Variants in RAB11FIP4 observed in about 807,000 individuals in gnomAD.
RAB11FIP4 encodes the protein rab11 family-interacting protein 4.
RAB11FIP4 carries 23 observed loss-of-function variants against 74.3 expected under a neutral mutation model. That is an observed-to-expected ratio of 0.31 (90% CI 0.22 to 0.44). The LOEUF is 0.44. Ranked by LOEUF, RAB11FIP4 falls within the 20% of genes least tolerant of loss-of-function variation. RAB11FIP4 has a pLI of 1.00. For missense variants in RAB11FIP4, 630 were observed against 863.9 expected (o/e 0.73, Z 3.39); for synonymous variants, 360 against 359.9 (o/e 1.00, Z 0.00).
At chr17:31,419,771 C>T (rs1041348543) in intron 1 of RAB11FIP4, among the ~76,000 whole-genome samples, 1 of 152,108 alleles carries the variant, frequency 6.6e-6, no homozygotes, top group Admixed American at 6.5e-5. Context: ...AGGATGGTCT[C>T]GATCTCCTGA....
chr17:31,452,909 G>A (rs994801024), intron 3 of RAB11FIP4, among the ~76,000 whole-genome samples: 2 of 152,226 alleles, frequency 1.3e-5, no homozygotes, highest in Non-Finnish European at 2.9e-5. Context: ...CCTGCTGGAA[G>A]TCAGGCCCAG....
At chr17:31,416,369 T>C (rs2071148208) in intron 1 of RAB11FIP4, among the ~76,000 whole-genome samples, 1 of 152,174 alleles carries the variant, frequency 6.6e-6, no homozygotes, top group Admixed American at 6.5e-5. Context: ...TGGGATGTTT[T>C]GGCCTGGGCT....
At chr17:31,442,180 T>G (rs922638830) in intron 3 of RAB11FIP4, among the ~76,000 whole-genome samples, 59 of 152,056 alleles carry the variant, frequency 3.9e-4, no homozygotes, top group Non-Finnish European at 6.9e-4. Flanking sequence ...TTTGTATTTT[T>G]AGTAGAGACA....
At chr17:31,427,768 C>T (rs2071267682) in intron 1 of RAB11FIP4, among the ~76,000 whole-genome samples, 1 of 152,170 alleles carries the variant, frequency 6.6e-6, no homozygotes, top group African/African-American at 2.4e-5. Context: ...ATAATGCCAG[C>T]GATGCAAAGG....
intron 1 of RAB11FIP4, among the ~76,000 whole-genome samples, chr17:31,413,484 C>T (rs9894686): frequency 0.022 from 3,286 of 150,568 alleles, 122 homozygotes; most frequent in African/African-American, 0.076. Context: ...ATTTAGCCTC[C>T]CCCTGCCCTC....
At chr17:31,471,180 A>G (rs1034408686) in intron 3 of RAB11FIP4, among the ~76,000 whole-genome samples, 1 of 150,734 alleles carries the variant, frequency 6.6e-6, no homozygotes, top group African/African-American at 2.4e-5. Context: ...CTTCCACCCC[A>G]ACCTCCTGTG....
intron 3 of RAB11FIP4, among the ~76,000 whole-genome samples, chr17:31,506,123 T>C (rs902738976): frequency 3.3e-5 from 5 of 152,236 alleles, no homozygotes; most frequent in Non-Finnish European, 5.9e-5. Context: ...TAAATTTCAA[T>C]TGTGTTTCTT....
intron 1 of RAB11FIP4, among the ~76,000 whole-genome samples, chr17:31,402,646 G>C (rs945211420): frequency 8.6e-6 from 1 of 116,156 alleles, no homozygotes; most frequent in African/African-American, 4.1e-5. Context: ...TTTTGAGACA[G>C]AGTCTTGCTT....
chr17:31,492,497 T>G (rs1443670107), intron 3 of RAB11FIP4, among the ~76,000 whole-genome samples: 1 of 152,114 alleles, frequency 6.6e-6, no homozygotes, highest in Non-Finnish European at 1.5e-5. Flanking sequence ...GGCCAGCACA[T>G]GTTATCCTGG....
chr17:31,401,491 G>A (rs988638237), intron 1 of RAB11FIP4, among the ~76,000 whole-genome samples: 5 of 152,208 alleles, frequency 3.3e-5, no homozygotes, highest in East Asian at 1.9e-4. Flanking sequence ...GACCCAAGAC[G>A]GGGAGCAGGC....
At chr17:31,525,395 CAG>C in intron 10 of RAB11FIP4, 165 bp downstream of exon 10, 1 of 673,318 alleles carries the variant, frequency 1.5e-6, no homozygotes. Flanking sequence ...ACGAGAAACA[CAG>C]AGGCATGCTC....
rs2072953841 is a variant in RAB11FIP4, at chr17:31,536,034, A to AG, written c.*4303dup. Reference sequence around the variant, plus strand: ...GTCCACTGGTGCTGGTGTTCAGGGGAGTTGGGGGGGGGGGGCGCGGGGACA... The same window carrying AG: ...GTCCACTGGTGCTGGTGTTCAGGGGAGGTTGGGGGGGGGGGGCGCGGGGACA... On this transcript the variant is annotated 3_prime_UTR_variant, in exon 15 of 15. Coordinates refer to ENST00000621161, the MANE Select transcript of RAB11FIP4 (RefSeq NM_032932.6). 6.7e-5 allele frequency: 1 copy of AG among 14,968 alleles called. No homozygotes were observed. Among genetic ancestry groups the AG allele is most frequent in the African/African-American group, 3.6e-4 (1 of 2,804 alleles). The allele number at this position is 14,968 out of a possible 1,614,324, so 0.9% of individuals were successfully genotyped here.
rs141312114 is a variant in RAB11FIP4, at chr17:31,460,388, G to A, written c.336+26266G>A. Among the ~76,000 whole-genome samples, 450 of 152,260 alleles carry A rather than the reference G, an allele frequency of 3.0e-3. 3 individuals are homozygous for A. The highest frequency in any genetic ancestry group is 9.6e-3 in the African/African-American group (397 of 41,554). ...CCGAATCACAGCTTGGCCCTTCCCC[G>A]TGAGACTTTGGACAGGTTGTGTCAT... On this transcript the variant is annotated intron_variant, in intron 3 of 14. Transcript: ENST00000621161.
chr17:31,416,311 A>G (rs1459467292), intron 1 of RAB11FIP4, among the ~76,000 whole-genome samples: 1 of 152,192 alleles, frequency 6.6e-6, no homozygotes, highest in Non-Finnish European at 1.5e-5. Context: ...TCCGTGGGAC[A>G]GCCCTTCACA....
chr17:31,427,898 G>C (rs1003486984), intron 1 of RAB11FIP4, among the ~76,000 whole-genome samples: 6 of 152,216 alleles, frequency 3.9e-5, no homozygotes, highest in Non-Finnish European at 8.8e-5. Context: ...AGTGTCAGAG[G>C]CTGGCATGGC....
chr17:31,458,545 G>A (rs752513317), intron 3 of RAB11FIP4, among the ~76,000 whole-genome samples: 2 of 152,224 alleles, frequency 1.3e-5, no homozygotes, highest in Admixed American at 6.5e-5. Flanking sequence ...GGCTGTGCCA[G>A]GGGTGTTTGG....
intron 14 of RAB11FIP4, 101 bp downstream of exon 14, chr17:31,530,570 G>A: frequency 1.4e-6 from 2 of 1,460,964 alleles, no homozygotes; most frequent in African/African-American, 1.4e-5. Context: ...ACCAGGGCCT[G>A]GCAGAGAGTC....
In RAB11FIP4 at chr17:31,393,901, G is replaced by A. The variant is rs142297301; in HGVS notation, c.159+1890G>A. Among the ~76,000 whole-genome samples, 25 of 151,942 alleles carry A rather than the reference G, an allele frequency of 1.6e-4. 1 individual carries two copies. The East Asian group carries it at 4.1e-3, about 25-fold the overall frequency. ...CTGGACAAGCAGACCGCCCCCCGCC[G>A]CCCCCACCAGGACTATATTAGCCCC... On this transcript the variant is annotated intron_variant, in intron 1 of 14. Coordinates refer to ENST00000621161, the MANE Select transcript of RAB11FIP4 (RefSeq NM_032932.6).
chr17:31,537,514 G>A lies in RAB11FIP4; in HGVS notation c.*5782G>A, dbSNP rs1313871206. 3.9e-5 allele frequency: 11 copies of A among 280,720 alleles called. No individual in the cohort carries two copies. The highest frequency in any genetic ancestry group is 1.1e-4 in the Admixed American group (2 of 18,962). 17.4% of individuals were successfully genotyped at this position (280,720 alleles called of 1,614,324 possible). A position where few individuals can be genotyped will look rare whatever the true frequency, so the allele number is the denominator to read the frequency against. ...CTTTCCCTGCATTGTTAGTGATGTC[G>A]GGCAAAGCATCACTCTTTAACCTGG... On this transcript the variant is annotated 3_prime_UTR_variant, in exon 15 of 15. Transcript: ENST00000621161.
Sources: gnomAD v4.1 joint callset for allele counts (sites outside exome capture counted in the v4.1 genomes callset) on GRCh38, gnomAD v4.1.1 for gene constraint, MANE v1.5 for transcripts, NCBI Gene and HGNC (gene_info 2026-07-23, HGNC 2026-07-21) for gene names.